PARM1: variants seen among roughly 807,000 people sequenced by gnomAD.
PARM1 encodes WSC4, cell wall integrity and stress response component 4 homolog.
PARM1 carries 14 observed loss-of-function variants against 24.6 expected under a neutral mutation model. That is an observed-to-expected ratio of 0.57 (90% CI 0.38 to 0.89). The LOEUF (loss-of-function observed/expected upper bound fraction) is 0.89. Ranked by LOEUF, PARM1 falls within the 40% of genes least tolerant of loss-of-function variation. The pLI is 0.00. For synonymous variants in PARM1, 179 were observed against 156.6 expected (o/e 1.14, Z -1.07); for missense variants, 362 against 380.4 (o/e 0.95, Z 0.40).
At chr4:75,010,207 A>G (rs911766603) in intron 1 of PARM1, among the ~76,000 whole-genome samples, 2 of 152,284 alleles carry the variant, frequency 1.3e-5, no homozygotes, top group African/African-American at 2.4e-5. Flanking sequence ...ATGCTATCAC[A>G]TGGATGAAAC....
intron 1 of PARM1, among the ~76,000 whole-genome samples, chr4:74,952,566 G>A (rs1721547582): frequency 6.6e-6 from 1 of 152,074 alleles, no homozygotes; most frequent in African/African-American, 2.4e-5. Context: ...TAGGTCTTAC[G>A]TTTAAGTCTT....
At chr4:75,019,631 T>C (rs1395026459) in intron 2 of PARM1, among the ~76,000 whole-genome samples, 6 of 152,254 alleles carry the variant, frequency 3.9e-5, no homozygotes, top group Non-Finnish European at 5.9e-5. Context: ...CTTTCAGCTC[T>C]ACAAGACACC....
intron 3 of PARM1, among the ~76,000 whole-genome samples, chr4:75,041,088 C>T (rs1723473904): frequency 6.6e-6 from 1 of 152,138 alleles, no homozygotes; most frequent in African/African-American, 2.4e-5. Context: ...TGTCTCCCCA[C>T]GTAGAATGTA....
At chr4:74,940,876 A>C (rs1364336472) in intron 1 of PARM1, among the ~76,000 whole-genome samples, 4 of 152,220 alleles carry the variant, frequency 2.6e-5, no homozygotes, top group African/African-American at 9.7e-5. Context: ...GGCGATGTTT[A>C]AGATCCCAGT....
chr4:75,034,942 C>T (rs1230722855), intron 3 of PARM1: 1 of 152,458 alleles, frequency 6.6e-6, no homozygotes, highest in African/African-American at 2.4e-5. Flanking sequence ...CCTGCCTCCC[C>T]TTTTCCAATC....
At chr4:75,019,999 G>A (rs1723059201) in intron 2 of PARM1, among the ~76,000 whole-genome samples, 2 of 96,340 alleles carry the variant, frequency 2.1e-5, no homozygotes, top group Admixed American at 1.8e-4. Flanking sequence ...GACAGAACGA[G>A]ACTCCGTCTC....
intron 1 of PARM1, among the ~76,000 whole-genome samples, chr4:74,969,332 A>G (rs1337464482): frequency 1.3e-5 from 2 of 152,214 alleles, no homozygotes; most frequent in Middle Eastern, 3.2e-3. Context: ...CATGAACCCA[A>G]ATTTCTATTT....
At chr4:75,017,305 A>G (rs971430095) in intron 2 of PARM1, among the ~76,000 whole-genome samples, 2 of 152,296 alleles carry the variant, frequency 1.3e-5, no homozygotes, top group Middle Eastern at 6.8e-3. Context: ...TACCATGCCT[A>G]CAAAGCTCAG....
intron 2 of PARM1, among the ~76,000 whole-genome samples, chr4:75,033,645 T>C (rs1448634198): frequency 6.6e-6 from 1 of 152,192 alleles, no homozygotes; most frequent in Non-Finnish European, 1.5e-5. Context: ...AGCCAAAAAG[T>C]CTTGATAAAT....
chr4:75,034,877 C>T (rs1362364989), intron 3 of PARM1: 1 of 152,448 alleles, frequency 6.6e-6, no homozygotes, highest in African/African-American at 2.4e-5. Context: ...GCTCCCCTTG[C>T]ACTGAGAATT....
intron 1 of PARM1, among the ~76,000 whole-genome samples, chr4:74,968,661 T>G (rs367990779): frequency 6.6e-6 from 1 of 152,218 alleles, no homozygotes; most frequent in East Asian, 1.9e-4. Context: ...TATTGTGCTT[T>G]CTTTTGCCAA....
In PARM1 at chr4:75,047,736, G is replaced by A. The variant is rs937974596; in HGVS notation, c.*1489G>A. The A allele has an allele frequency of 2.0e-5, 3 of 152,224 alleles. No individual in the cohort carries two copies. Among genetic ancestry groups the A allele is most frequent in the African/African-American group, 4.8e-5 (2 of 41,458 alleles). The allele number at this position is 152,224 out of a possible 1,614,324, so 9.4% of individuals were successfully genotyped here. A position where few individuals can be genotyped will look rare whatever the true frequency, so the allele number is the denominator to read the frequency against. ...CACAATGCCCACTGTGACAGAACAAGACACTCACAGATTAGTGATACGTTT... is the reference window on the plus strand; with the variant it reads ...CACAATGCCCACTGTGACAGAACAAAACACTCACAGATTAGTGATACGTTT... On this transcript the variant is annotated 3_prime_UTR_variant, in exon 4 of 4. Transcript: ENST00000307428.
At chr4:74,983,798 C>A (rs901920836) in intron 1 of PARM1, among the ~76,000 whole-genome samples, 10 of 152,180 alleles carry the variant, frequency 6.6e-5, no homozygotes, top group African/African-American at 2.4e-4. Context: ...TCCAGTTTAG[C>A]AATCCTTCAA....
chr4:75,004,208 A>G (rs951876134), intron 1 of PARM1, among the ~76,000 whole-genome samples: 1 of 152,234 alleles, frequency 6.6e-6, no homozygotes, highest in African/African-American at 2.4e-5. Flanking sequence ...TTCAAAGGGT[A>G]GAAAATCCAT....
chr4:74,982,828 G>A (rs573476382), intron 1 of PARM1, among the ~76,000 whole-genome samples: 28 of 152,310 alleles, frequency 1.8e-4, no homozygotes, highest in Admixed American at 1.7e-3. Flanking sequence ...GTACAGTTTA[G>A]TCCTAATTCT....
At chr4:75,041,302 A>C (rs1357797959) in intron 3 of PARM1, among the ~76,000 whole-genome samples, 1 of 152,226 alleles carries the variant, frequency 6.6e-6, no homozygotes, top group Non-Finnish European at 1.5e-5. Context: ...TTAATGGACA[A>C]CAAGAGTCTA....
intron 1 of PARM1, among the ~76,000 whole-genome samples, chr4:74,963,418 GATAA>G (rs1362527126): frequency 2.6e-5 from 4 of 152,096 alleles, no homozygotes; most frequent in South Asian, 2.1e-4. Flanking sequence ...TACATCAGCA[GATAA>G]ATAGATAACC....
At chr4:75,020,246 C>T (rs923895708) in intron 2 of PARM1, among the ~76,000 whole-genome samples, 10 of 152,206 alleles carry the variant, frequency 6.6e-5, no homozygotes, top group African/African-American at 2.4e-4. Flanking sequence ...ATAATCCTAA[C>T]AAGTATGGTA....
chr4:74,944,357 G>A (rs1373831354), intron 1 of PARM1, among the ~76,000 whole-genome samples: 4 of 152,204 alleles, frequency 2.6e-5, no homozygotes, highest in Non-Finnish European at 5.9e-5. Context: ...TATTTGCCTT[G>A]CTTGTTCCAT....
Sources: allele counts gnomAD v4.1 joint callset (sites outside exome capture counted in the v4.1 genomes callset), GRCh38; gene constraint gnomAD v4.1.1; transcripts MANE v1.5; gene names NCBI Gene and HGNC (gene_info 2026-07-23, HGNC 2026-07-21).